DNAH3: variants seen among roughly 807,000 people sequenced by gnomAD.
DNAH3 encodes the protein dynein axonemal heavy chain 3.
A neutral mutation model predicts 432.5 loss-of-function variants in DNAH3; 332 were observed. The ratio of observed to expected loss-of-function variants is 0.77; its 90% CI spans 0.70 to 0.84. The LOEUF (loss-of-function observed/expected upper bound fraction) is 0.84, where lower values mean the gene tolerates loss of function less well. Among genes scored for constraint, DNAH3 ranks in the 40% least tolerant of loss-of-function variants. The pLI is 0.00. For missense variants in DNAH3, 4,861 were observed against 5,114.0 expected (o/e 0.95, Z 1.51); for synonymous variants, 1,956 against 1,900.2 (o/e 1.03, Z -0.76).
At chr16:21,022,744 C>G (rs1385148545) in intron 39 of DNAH3, among the ~76,000 whole-genome samples, 2 of 149,928 alleles carry the variant, frequency 1.3e-5, no homozygotes, top group East Asian at 3.9e-4. Context: ...TATTTACTTA[C>G]TAAATTTTTT....
At chr16:20,953,574 T>C (rs2084416684) in intron 55 of DNAH3, among the ~76,000 whole-genome samples, 1 of 151,168 alleles carries the variant, frequency 6.6e-6, no homozygotes, top group Non-Finnish European at 1.5e-5. Context: ...GCCAAACATT[T>C]GCATGGCTTT....
At chr16:20,945,592 G>A (rs2084009624) in intron 57 of DNAH3, among the ~76,000 whole-genome samples, 1 of 151,880 alleles carries the variant, frequency 6.6e-6, no homozygotes, top group African/African-American at 2.4e-5. Context: ...CTGGATTCAA[G>A]CAATTCTACT....
chr16:21,098,670 A>C, exon 17 of DNAH3: 13 of 1,613,876 alleles, frequency 8.1e-6, no homozygotes, highest in Non-Finnish European at 1.1e-5. Flanking sequence ...TAAGCTTTTC[A>C]ACATTGTGCT....
intron 38 of DNAH3, among the ~76,000 whole-genome samples, chr16:21,025,867 G>A (rs755432795): frequency 4.0e-4 from 61 of 152,072 alleles, no homozygotes; most frequent in Non-Finnish European, 6.6e-4. Flanking sequence ...CCAAGTAGCT[G>A]GGATTACGGG....
chr16:21,091,110 G>A (rs113760870), intron 18 of DNAH3, among the ~76,000 whole-genome samples: 5,528 of 152,094 alleles, frequency 0.036, 144 homozygotes, highest in Non-Finnish European at 0.053. Context: ...CCGAGGTTAC[G>A]TCACTGTGGT....
chr16:21,000,329 T>C (rs2086958021), exon 43 of DNAH3: 1 of 1,614,098 alleles, frequency 6.2e-7, no homozygotes, highest in Non-Finnish European at 8.5e-7. Flanking sequence ...GCTGAGGTTC[T>C]GGCAGAGAAA....
intron 20 of DNAH3, among the ~76,000 whole-genome samples, chr16:21,077,021 C>A (rs1035599433): frequency 6.6e-6 from 1 of 152,252 alleles, no homozygotes; most frequent in African/African-American, 2.4e-5. Flanking sequence ...GTCATGACAA[C>A]CAAAAATGTC....
rs926833257 is a variant in DNAH3 at position 21,020,003 on chromosome 16, A to C, written c.5777-134T>G. On this transcript the variant is annotated intron_variant, in intron 40 of 61. Transcript: ENST00000261383. ...GATATTGGCAGAGTGCCTATCACCT[A>C]CCAGATCATTTCACATGCATTTTTT... 6.3e-6 allele frequency: 6 copies of C among 946,500 alleles called. No homozygotes were observed. In the African/African-American group the frequency reaches 1.0e-4, roughly 16 times the overall value. 58.6% of individuals were successfully genotyped at this position (946,500 alleles called of 1,614,324 possible). A position where few individuals can be genotyped will look rare whatever the true frequency, so the allele number is the denominator to read the frequency against.
intron 11 of DNAH3, among the ~76,000 whole-genome samples, chr16:21,119,373 T>A (rs1276494774): frequency 6.6e-6 from 1 of 152,074 alleles, no homozygotes; most frequent in African/African-American, 2.4e-5. Context: ...GGCTCATACC[T>A]ATAATCCCCA....
At chr16:20,984,388 AAG>A (rs912791598) in intron 48 of DNAH3, among the ~76,000 whole-genome samples, 3 of 152,140 alleles carry the variant, frequency 2.0e-5, no homozygotes, top group Non-Finnish European at 2.9e-5. Flanking sequence ...AGATGGAGAT[AAG>A]AGAGTGGATA....
intron 8 of DNAH3, 114 bp downstream of exon 9, chr16:21,127,573 G>A (rs933593688): frequency 3.6e-5 from 43 of 1,206,110 alleles, no homozygotes; most frequent in Admixed American, 4.8e-5. Flanking sequence ...AAAAAAAAAA[G>A]ACACGAAAGG....
chr16:21,028,001 G>A (rs960656851), intron 37 of DNAH3, among the ~76,000 whole-genome samples: 22 of 152,000 alleles, frequency 1.4e-4, no homozygotes, highest in Admixed American at 1.3e-3. Context: ...ATTTTTATTT[G>A]CTTTTGAGAC....
intron 14 of DNAH3, among the ~76,000 whole-genome samples, chr16:21,110,959 T>C (rs2092056981): frequency 6.6e-6 from 1 of 152,270 alleles, no homozygotes; most frequent in Admixed American, 6.5e-5. Context: ...GCACTGTGAC[T>C]GTACCTGTGA....
intron 1 of DNAH3, among the ~76,000 whole-genome samples, chr16:21,149,571 T>G (rs2092827924): frequency 6.6e-6 from 1 of 152,212 alleles, no homozygotes; most frequent in South Asian, 2.1e-4. Context: ...ATCACTCTGG[T>G]CTTAGATAAA....
intron 1 of DNAH3, chr16:21,159,241 A>T (rs2092932835): frequency 8.0e-7 from 1 of 1,246,962 alleles, no homozygotes; most frequent in African/African-American, 1.5e-5. Context: ...CTTTACCCCC[A>T]AATTAATAAC....
intron 1 of DNAH3, among the ~76,000 whole-genome samples, chr16:21,153,006 C>T (rs2092872519): frequency 6.6e-6 from 1 of 152,236 alleles, no homozygotes; most frequent in Non-Finnish European, 1.5e-5. Context: ...GACTGGCAGG[C>T]AGCTCCACCT....
intron 55 of DNAH3, 68 bp from the exon 56 acceptor site, chr16:20,952,617 C>T (rs1162242538): frequency 1.9e-5 from 19 of 1,014,488 alleles, no homozygotes; most frequent in Middle Eastern, 2.8e-4. Context: ...AAGACCAAGC[C>T]GAGGGAGTTA....
chr16:21,083,281 G>C (rs1379693532), intron 19 of DNAH3, among the ~76,000 whole-genome samples: 1 of 152,172 alleles, frequency 6.6e-6, no homozygotes, highest in Non-Finnish European at 1.5e-5. Flanking sequence ...CTCCCAAAGT[G>C]TTGGGATTAC....
At chr16:21,151,229 C>G (rs1246018476) in intron 1 of DNAH3, among the ~76,000 whole-genome samples, 1 of 151,958 alleles carries the variant, frequency 6.6e-6, no homozygotes, top group African/African-American at 2.4e-5. Flanking sequence ...GTCCCTACTT[C>G]ATAGGGTTGC....
Sources: gnomAD v4.1 joint callset for allele counts (sites outside exome capture counted in the v4.1 genomes callset) on GRCh38, gnomAD v4.1.1 for gene constraint, MANE v1.5 for transcripts, NCBI Gene and HGNC (gene_info 2026-07-23, HGNC 2026-07-21) for gene names.